DNM3: variants seen among roughly 807,000 people sequenced by gnomAD.
DNM3 encodes the protein dynamin 3, also known as dynamin-3.
Under a neutral mutation model 101.6 loss-of-function variants are expected in DNM3, and 47 were observed. The observed-to-expected ratio is 0.46, with a 90% confidence interval of 0.37 to 0.59. The LOEUF (loss-of-function observed/expected upper bound fraction) is 0.59. Among genes scored for constraint, DNM3 ranks in the 20% least tolerant of loss-of-function variants. The probability of loss-of-function intolerance (pLI) is 0.00; values close to 1 mark genes in which losing one functional copy is unlikely to be tolerated. For missense variants in DNM3, 849 were observed against 1,085.7 expected (o/e 0.78, Z 3.06); for synonymous variants, 385 against 387.9 (o/e 0.99, Z 0.09).
chr1:172,207,087 G>A (rs1392567341), intron 14 of DNM3, among the ~76,000 whole-genome samples: 1 of 138,584 alleles, frequency 7.2e-6, no homozygotes, highest in East Asian at 2.0e-4. Flanking sequence ...TCTGGCTTTT[G>A]TTATTCTCCC....
chr1:171,979,816 T>C (rs1486307640), intron 2 of DNM3, among the ~76,000 whole-genome samples: 1 of 152,226 alleles, frequency 6.6e-6, no homozygotes, highest in African/African-American at 2.4e-5. Context: ...TGACCCTGAA[T>C]ACTGTTCAAC....
At chr1:172,009,351 CT>C (rs1263318717) in intron 4 of DNM3, among the ~76,000 whole-genome samples, 1 of 150,206 alleles carries the variant, frequency 6.7e-6, no homozygotes, top group African/African-American at 2.4e-5. Context: ...AATAGTTTAT[CT>C]TTTTATTTGA....
intron 1 of DNM3, among the ~76,000 whole-genome samples, chr1:171,892,744 A>C (rs543756001): frequency 5.8e-4 from 89 of 152,320 alleles, no homozygotes; most frequent in Non-Finnish European, 8.7e-4. Flanking sequence ...TGTGGAAGAC[A>C]ATTTTTCTAT....
chr1:172,011,290 C>T (rs868545919), intron 4 of DNM3, among the ~76,000 whole-genome samples: 18 of 151,764 alleles, frequency 1.2e-4, no homozygotes, highest in African/African-American at 4.1e-4. Flanking sequence ...TTCTTTTCTC[C>T]CCTGCCATGC....
chr1:172,151,070 A>G (rs748509535), intron 14 of DNM3, among the ~76,000 whole-genome samples: 8 of 152,218 alleles, frequency 5.3e-5, no homozygotes, highest in Non-Finnish European at 1.0e-4. Flanking sequence ...TATATAGTAT[A>G]TGTAAATATG....
intron 2 of DNM3, among the ~76,000 whole-genome samples, chr1:171,967,073 G>A (rs1212376017): frequency 1.3e-5 from 2 of 152,074 alleles, no homozygotes; most frequent in Non-Finnish European, 2.9e-5. Flanking sequence ...TAGACCTGTA[G>A]GTAACTTTTG....
intron 17 of DNM3, among the ~76,000 whole-genome samples, chr1:172,369,304 G>C (rs1247411151): frequency 6.6e-6 from 1 of 151,946 alleles, no homozygotes; most frequent in Non-Finnish European, 1.5e-5. Context: ...TCTCAAGGAT[G>C]CAAGGATGGT....
chr1:172,144,826 C>A, intron 14 of DNM3: 1 of 326,192 alleles, frequency 3.1e-6, no homozygotes, highest in Non-Finnish European at 6.1e-6. Flanking sequence ...GAATTTAGGA[C>A]CAGGAAAAGG....
chr1:172,088,362 G>T (rs2053676282), intron 12 of DNM3, among the ~76,000 whole-genome samples: 1 of 152,078 alleles, frequency 6.6e-6, no homozygotes, highest in South Asian at 2.1e-4. Flanking sequence ...GGGGGTCTGG[G>T]CTGACTGCTT....
At chr1:172,139,230 C>A in intron 14 of DNM3, 1 of 217,690 alleles carries the variant, frequency 4.6e-6, no homozygotes, top group South Asian at 5.5e-5. Flanking sequence ...CAGAGTTCAG[C>A]GTAATTGAAC....
chr1:172,009,529 A>G (rs554533267), intron 4 of DNM3, among the ~76,000 whole-genome samples: 4 of 151,748 alleles, frequency 2.6e-5, no homozygotes, highest in Non-Finnish European at 5.9e-5. Context: ...TTAAAACTTA[A>G]TAATTGGTTC....
chr1:172,344,960 T>A (rs1573545192), intron 17 of DNM3, among the ~76,000 whole-genome samples: 1 of 152,236 alleles, frequency 6.6e-6, no homozygotes, highest in East Asian at 1.9e-4. Context: ...CCATTAAGCA[T>A]ACTAGTACCA....
At chr1:172,127,404 T>TTAC (rs1282755835) in intron 13 of DNM3, among the ~76,000 whole-genome samples, 5 of 147,492 alleles carry the variant, frequency 3.4e-5, no homozygotes, top group Non-Finnish European at 7.5e-5. Context: ...ATTATTATTA[T>TTAC]TATTATTATT....
chr1:172,222,009 C>T (rs1324659719), intron 14 of DNM3, among the ~76,000 whole-genome samples: 1 of 152,058 alleles, frequency 6.6e-6, no homozygotes, highest in Admixed American at 6.6e-5. Context: ...GAATTCTAGA[C>T]TCATTGCGAG....
intron 4 of DNM3, among the ~76,000 whole-genome samples, chr1:172,008,825 ATT>A (rs915567136): frequency 2.9e-5 from 4 of 138,966 alleles, no homozygotes; most frequent in African/African-American, 1.1e-4. Flanking sequence ...ATTAATATGT[ATT>A]ATATAATATA....
At chr1:172,232,676 A>G (rs1323044321) in intron 14 of DNM3, among the ~76,000 whole-genome samples, 4 of 152,248 alleles carry the variant, frequency 2.6e-5, no homozygotes, top group Non-Finnish European at 5.9e-5. Context: ...AACAGAAATT[A>G]TAACAAACTG....
chr1:171,862,657 T>A (rs543576389), intron 1 of DNM3, among the ~76,000 whole-genome samples: 2 of 152,264 alleles, frequency 1.3e-5, no homozygotes, highest in African/African-American at 4.8e-5. Flanking sequence ...TAAATAGAGA[T>A]GGTGTTTTAT....
At chr1:171,977,511 A>G (rs1475370634) in intron 2 of DNM3, among the ~76,000 whole-genome samples, 2 of 152,224 alleles carry the variant, frequency 1.3e-5, no homozygotes, top group African/African-American at 4.8e-5. Flanking sequence ...AAAGTAATCT[A>G]TAGCCCCAAA....
intron 14 of DNM3, among the ~76,000 whole-genome samples, chr1:172,151,228 C>T (rs909072371): frequency 1.4e-4 from 22 of 151,866 alleles, no homozygotes; most frequent in African/African-American, 4.6e-4. Flanking sequence ...TAATCTTAAA[C>T]GTTAGTTTTA....
Sources: gnomAD v4.1 joint callset for allele counts (sites outside exome capture counted in the v4.1 genomes callset) on GRCh38, gnomAD v4.1.1 for gene constraint, MANE v1.5 for transcripts, NCBI Gene and HGNC (gene_info 2026-07-23, HGNC 2026-07-21) for gene names.